TTLL1: variants seen among roughly 807,000 people sequenced by gnomAD.
TTLL1 encodes the protein TTL family tubulin polyglutamylase complex subunit L1.
TTLL1 carries 33 observed loss-of-function variants against 47.8 expected under a neutral mutation model. That is an observed-to-expected ratio of 0.69 (90% confidence interval 0.52 to 0.92). TTLL1 has a LOEUF of 0.92. Ranked by LOEUF, TTLL1 falls within the 40% of genes least tolerant of loss-of-function variation. The pLI is 0.00. For synonymous variants in TTLL1, 225 were observed against 214.1 expected (o/e 1.05, Z -0.45); for missense variants, 488 against 547.5 (o/e 0.89, Z 1.08).
rs989332291 is a variant in TTLL1, at chr22:43,055,710, G to A, written c.891+3674C>T. Reference sequence around the variant, plus strand: ...GCTGGTCTTGAACTCCTGGCCTCAAGCAATCCTCCTGTCTCAGTCTCCCAA... The same window carrying A: ...GCTGGTCTTGAACTCCTGGCCTCAAACAATCCTCCTGTCTCAGTCTCCCAA... On this transcript the variant is annotated intron_variant, in intron 8 of 10. Transcript: ENST00000266254. Among the ~76,000 whole-genome samples, 4 of 151,954 alleles carry A rather than the reference G, an allele frequency of 2.6e-5. No homozygotes were observed. The East Asian group carries it at 7.8e-4, about 29-fold the overall frequency.
rs115474560 is a variant in TTLL1 at position 43,077,435 on chromosome 22, C to T, written c.-4-1845G>A. On this transcript the variant is annotated intron_variant, in intron 2 of 10. Coordinates refer to ENST00000266254, the MANE Select transcript of TTLL1 (RefSeq NM_012263.5). ...CCTCCAAACAAGGTGCTGTACCCCT[C>T]GGCAACCCTGGAGCTCTGTATCAAG... Among the ~76,000 whole-genome samples, 795 of 152,304 alleles carry T rather than the reference C, an allele frequency of 5.2e-3. 11 individuals carry two copies. The highest frequency in any genetic ancestry group is 0.018 in the African/African-American group (758 of 41,574).
At chr22:43,048,387 C>T (rs1926321565) in intron 9 of TTLL1, among the ~76,000 whole-genome samples, 2 of 151,358 alleles carry the variant, frequency 1.3e-5, no homozygotes, top group Admixed American at 6.6e-5. Flanking sequence ...ATAACTCCAG[C>T]ACTTTGGGAG....
intron 8 of TTLL1, among the ~76,000 whole-genome samples, chr22:43,053,056 G>A (rs1219472872): frequency 6.6e-6 from 1 of 151,984 alleles, no homozygotes; most frequent in Non-Finnish European, 1.5e-5. Flanking sequence ...GCGAAACTCT[G>A]TCTCAAAAAA....
chr22:43,064,289 A>G lies in TTLL1; in HGVS notation c.539T>C (p.Ile180Thr). The G allele has an allele frequency of 6.2e-7, 1 of 1,613,936 alleles. No individual in the cohort carries two copies. The highest frequency in any genetic ancestry group is 8.5e-7 in the Non-Finnish European group (1 of 1,179,980). The change falls in exon 6 of 11, where the codon ATC becomes ACC. Residue 180 changes from isoleucine (I) to threonine (T), a missense_variant. Coordinates refer to ENST00000266254, the MANE Select transcript of TTLL1 (RefSeq NM_012263.5). ...TAACGGGTTGTTAATATAGAGAGAG[A>G]TCACGTAGGCTTCCTTATTAGATTG... ...VSQSNKEAYVISLYINNPLLI... is the reference protein window; with the variant it reads ...VSQSNKEAYVTSLYINNPLLI...
At chr22:43,056,254 G>A (rs922801844) in intron 8 of TTLL1, among the ~76,000 whole-genome samples, 1 of 151,388 alleles carries the variant, frequency 6.6e-6, no homozygotes, top group Non-Finnish European at 1.5e-5. Flanking sequence ...AGCTACTCAG[G>A]AGGCTGAGAC....
intron 10 of TTLL1, among the ~76,000 whole-genome samples, chr22:43,042,752 T>C (rs990802566): frequency 2.0e-5 from 3 of 152,122 alleles, no homozygotes; most frequent in Non-Finnish European, 4.4e-5. Flanking sequence ...GAGCTGGGGT[T>C]CTTTGATCAG....
Position 43,063,890 on chromosome 22 carries a change from C to T in TTLL1, c.670G>A (p.Val224Met), listed in dbSNP as rs779121944. ...TCACTGGTACTCGGGGTGTATTTCA[C>T]TGTGCAGAACCGGCAAAACCCAAGC... ...YKLGFCRFCTVKYTPSTSELD... is the reference protein window; with the variant it reads ...YKLGFCRFCTMKYTPSTSELD... Residue 224 changes from valine (V) to methionine (M), a missense_variant, in exon 7 of 11, where the codon GTG (valine) becomes ATG (methionine). By Grantham distance (21) the Val-to-Met change is conservative (BLOSUM62 1). Transcript: ENST00000266254. 3.7e-6 allele frequency: 6 copies of T among 1,614,026 alleles called. No individual in the cohort carries two copies. The Admixed American group carries it at 8.3e-5, about 22-fold the overall frequency.
chr22:43,057,342 C>T (rs980722525), intron 8 of TTLL1, among the ~76,000 whole-genome samples: 1 of 150,432 alleles, frequency 6.6e-6, no homozygotes, highest in Non-Finnish European at 1.5e-5. Flanking sequence ...AACTTTTGGG[C>T]TTAAGTGATC....
At chr22:43,060,725 C>T (rs765983249) in intron 7 of TTLL1, among the ~76,000 whole-genome samples, 1 of 152,148 alleles carries the variant, frequency 6.6e-6, no homozygotes, top group Non-Finnish European at 1.5e-5. Flanking sequence ...ATTCTCCATA[C>T]AATGCTTATC....
chr22:43,047,226 A>G (rs569909635), intron 9 of TTLL1, among the ~76,000 whole-genome samples: 3 of 152,298 alleles, frequency 2.0e-5, no homozygotes, highest in Admixed American at 6.5e-5. Flanking sequence ...AGAATCAGTG[A>G]CCCAAATGGC....
At chr22:43,048,962 A>G (rs1206955741) in intron 9 of TTLL1, among the ~76,000 whole-genome samples, 2 of 151,992 alleles carry the variant, frequency 1.3e-5, no homozygotes, top group Non-Finnish European at 2.9e-5. Flanking sequence ...AAAAATACCC[A>G]AAACACTAGG....
At chr22:43,081,667 C>T (rs977287034) in intron 1 of TTLL1, among the ~76,000 whole-genome samples, 1 of 151,052 alleles carries the variant, frequency 6.6e-6, no homozygotes, top group African/African-American at 2.4e-5. Context: ...TCTGCCTCAG[C>T]CTCCCAAGTA....
chr22:43,089,116 C>A (rs1227789366), intron 1 of TTLL1, among the ~76,000 whole-genome samples, 161 bp downstream of exon 1: 1 of 152,190 alleles, frequency 6.6e-6, no homozygotes, highest in Non-Finnish European at 1.5e-5. Flanking sequence ...TTAGCGCGGG[C>A]TTCCTGGAGG....
chr22:43,076,534 G>C (rs1055343929), intron 2 of TTLL1, among the ~76,000 whole-genome samples: 2 of 151,928 alleles, frequency 1.3e-5, no homozygotes, highest in African/African-American at 4.8e-5. Flanking sequence ...GGCAGATCAT[G>C]AGGTCAGGAG....
At chr22:43,057,091 G>GA (rs1927065927) in intron 8 of TTLL1, among the ~76,000 whole-genome samples, 2 of 152,226 alleles carry the variant, frequency 1.3e-5, no homozygotes, top group East Asian at 1.9e-4. Flanking sequence ...CCAACATGGT[G>GA]AAACTCTGTC....
chr22:43,076,999 G>A (rs905816164), intron 2 of TTLL1, among the ~76,000 whole-genome samples: 6 of 151,942 alleles, frequency 3.9e-5, no homozygotes, highest in Admixed American at 6.6e-5. Context: ...TACTTGGGAG[G>A]CTGAGGCAGG....
chr22:43,069,706 G>C lies in TTLL1; in HGVS notation c.252C>G (p.Tyr84Ter), dbSNP rs751942451. Residue 84 changes from tyrosine to a stop codon, truncating the protein, a stop_gained, in exon 4 of 11, where the codon TAC (tyrosine) becomes TAG (stop). Transcript: ENST00000266254. LOFTEE classifies it high-confidence loss of function. ...TCCCTTCTTTCTCCAGCTCCTTCCT[G>C]TATCTTTTGATGTTCTTCACCATCA... Reference protein sequence around the residue: ...KDLMVKNIKRYRKELEKEGSP... With the variant: ...KDLMVKNIKR 1 of 1,614,122 alleles carries C rather than the reference G, an allele frequency of 6.2e-7. No individual in the cohort carries two copies. The highest frequency in any genetic ancestry group is 2.2e-5 in the East Asian group (1 of 44,892).
chr22:43,071,190 TAC>T (rs551067612), intron 3 of TTLL1, among the ~76,000 whole-genome samples: 119 of 152,116 alleles, frequency 7.8e-4, no homozygotes, highest in African/African-American at 2.7e-3. Context: ...GTGCTGCAGT[TAC>T]AGGTGTGAGC....
chr22:43,084,962 CTTTTTTTT>C (rs148980685), intron 1 of TTLL1, among the ~76,000 whole-genome samples: 30 of 112,726 alleles, frequency 2.7e-4, no homozygotes, highest in East Asian at 6.9e-4. Context: ...AAGCTGCCAC[CTTTTTTTT>C]TTTTTTTTTT....
Sources: gnomAD v4.1 joint callset for allele counts (sites outside exome capture counted in the v4.1 genomes callset) on GRCh38, gnomAD v4.1.1 for gene constraint, MANE v1.5 for transcripts, NCBI Gene and HGNC (gene_info 2026-07-23, HGNC 2026-07-21) for gene names.